Variants in PCDH15 observed in about 807,000 individuals in gnomAD.
PCDH15 encodes the protein protocadherin related 15, also known as protocadherin-15.
A neutral mutation model predicts 178.5 loss-of-function variants in PCDH15; 129 were observed. The observed-to-expected ratio is 0.72, with a 90% confidence interval of 0.63 to 0.84. The LOEUF (loss-of-function observed/expected upper bound fraction) is 0.84. PCDH15 is among the 40% of genes least tolerant of loss of function. The probability of loss-of-function intolerance (pLI) is 0.00; values close to 1 mark genes in which losing one functional copy is unlikely to be tolerated. For synonymous variants in PCDH15, 800 were observed against 732.0 expected (o/e 1.09, Z -1.50); for missense variants, 2,230 against 2,099.9 (o/e 1.06, Z -1.21).
At chr10:53,978,608 A>C (rs1296762789) in intron 21 of PCDH15, among the ~76,000 whole-genome samples, 1 of 150,616 alleles carries the variant, frequency 6.6e-6, no homozygotes, top group Non-Finnish European at 1.5e-5. Flanking sequence ...TTGGCTCCTC[A>C]TTACTTACGC....
intron 21 of PCDH15, among the ~76,000 whole-genome samples, chr10:53,963,570 A>G (rs867396376): frequency 6.6e-6 from 1 of 152,298 alleles, no homozygotes; most frequent in South Asian, 2.1e-4. Flanking sequence ...AACTCTGAAC[A>G]TTTTAAGTCC....
upstream of PCDH15, among the ~76,000 whole-genome samples, chr10:54,804,492 GT>G (rs1353877441): frequency 1.3e-5 from 2 of 151,686 alleles, no homozygotes; most frequent in Non-Finnish European, 2.9e-5. Flanking sequence ...CCTTATGTCT[GT>G]TTTCATGGAT....
intron 2 of PCDH15, chr10:54,655,410 G>A (rs1335048162): frequency 2.0e-5 from 3 of 148,888 alleles, no homozygotes; most frequent in East Asian, 2.0e-4. Context: ...CCTTGGGTAA[G>A]GGGTGTGTGT....
intron 2 of PCDH15, among the ~76,000 whole-genome samples, chr10:54,582,644 G>A (rs1326250456): frequency 6.6e-6 from 1 of 152,124 alleles, no homozygotes; most frequent in Non-Finnish European, 1.5e-5. Flanking sequence ...AAGGTGTGGT[G>A]TCTCACTCCC....
At chr10:54,348,009 C>T (rs1230862598) in intron 5 of PCDH15, among the ~76,000 whole-genome samples, 7 of 151,844 alleles carry the variant, frequency 4.6e-5, no homozygotes, top group African/African-American at 9.7e-5. Context: ...CCACCACGCC[C>T]GGCTAATTTT....
intron 3 of PCDH15, among the ~76,000 whole-genome samples, chr10:54,861,548 C>T (rs1216394870): frequency 6.6e-6 from 1 of 152,062 alleles, no homozygotes; most frequent in Non-Finnish European, 1.5e-5. Flanking sequence ...GAACATACTT[C>T]ATAATAATAA....
chr10:53,883,142 TAC>T (rs1362173002), intron 26 of PCDH15, among the ~76,000 whole-genome samples: 3 of 139,592 alleles, frequency 2.1e-5, no homozygotes, highest in Admixed American at 7.7e-5. Context: ...TACATAAGAA[TAC>T]ACACACATAT....
At chr10:54,526,753 T>C (rs2083399685) in intron 3 of PCDH15, among the ~76,000 whole-genome samples, 1 of 152,200 alleles carries the variant, frequency 6.6e-6, no homozygotes, top group African/African-American at 2.4e-5. Flanking sequence ...GTACTGTAGA[T>C]ATTTCTGAGT....
intron 2 of PCDH15, among the ~76,000 whole-genome samples, chr10:55,332,757 T>C (rs1844237881): frequency 1.3e-5 from 2 of 152,182 alleles, no homozygotes; most frequent in African/African-American, 4.8e-5. Context: ...AGGAGTTTCC[T>C]TTTTTAGCTT....
chr10:55,016,850 G>A (rs931331776), intron 2 of PCDH15, among the ~76,000 whole-genome samples: 4 of 151,914 alleles, frequency 2.6e-5, no homozygotes, highest in African/African-American at 9.7e-5. Flanking sequence ...TTGATTCTGG[G>A]ATAATTTCTA....
chr10:53,988,278 G>A (rs1359153076), intron 21 of PCDH15, among the ~76,000 whole-genome samples: 4 of 151,956 alleles, frequency 2.6e-5, no homozygotes, highest in Non-Finnish European at 4.4e-5. Context: ...TTGATAACTG[G>A]GCAACAGATA....
chr10:54,848,591 T>G (rs1264254448), intron 3 of PCDH15, among the ~76,000 whole-genome samples: 2 of 152,070 alleles, frequency 1.3e-5, no homozygotes, highest in Admixed American at 1.3e-4. Context: ...CATCTTGGAC[T>G]TCTCAACCTC....
chr10:55,066,523 G>T (rs1841568190), intron 2 of PCDH15, among the ~76,000 whole-genome samples: 1 of 148,490 alleles, frequency 6.7e-6, no homozygotes, highest in South Asian at 2.1e-4. Context: ...CAAATTACAT[G>T]AGGCTTTTAT....
intron 3 of PCDH15, among the ~76,000 whole-genome samples, chr10:54,836,411 A>G (rs1228552316): frequency 6.6e-6 from 1 of 152,164 alleles, no homozygotes; most frequent in Non-Finnish European, 1.5e-5. Flanking sequence ...TCATAGCTGT[A>G]CAGTCTCCAC....
intron 3 of PCDH15, among the ~76,000 whole-genome samples, chr10:54,521,335 A>C (rs193169706): frequency 2.0e-5 from 3 of 152,282 alleles, no homozygotes; most frequent in African/African-American, 7.2e-5. Flanking sequence ...GATACTGAAT[A>C]AACTCCTTAG....
At chr10:54,849,787 A>G (rs1341331581) in intron 3 of PCDH15, among the ~76,000 whole-genome samples, 1 of 152,180 alleles carries the variant, frequency 6.6e-6, no homozygotes, top group Non-Finnish European at 1.5e-5. Context: ...TTGACTATAA[A>G]TACTTCCAGA....
chr10:54,140,476 T>A (rs1309940004), intron 14 of PCDH15, among the ~76,000 whole-genome samples: 1 of 151,978 alleles, frequency 6.6e-6, no homozygotes, highest in Non-Finnish European at 1.5e-5. Flanking sequence ...TTTCTGCTTT[T>A]TTTTTTTTCT....
intron 2 of PCDH15, among the ~76,000 whole-genome samples, chr10:55,515,739 T>C (rs1167364675): frequency 6.6e-6 from 1 of 152,114 alleles, no homozygotes; most frequent in African/African-American, 2.4e-5. Flanking sequence ...AAAGTCATCA[T>C]GCAAATCAAG....
At chr10:54,106,428 G>A (rs2094918620) in intron 15 of PCDH15, among the ~76,000 whole-genome samples, 1 of 152,140 alleles carries the variant, frequency 6.6e-6, no homozygotes, top group Non-Finnish European at 1.5e-5. Context: ...AGGGACCAGA[G>A]AGAAACACAG....
Sources: gnomAD v4.1 joint callset for allele counts (sites outside exome capture counted in the v4.1 genomes callset) on GRCh38, gnomAD v4.1.1 for gene constraint, MANE v1.5 for transcripts, NCBI Gene and HGNC (gene_info 2026-07-23, HGNC 2026-07-21) for gene names.